The following ZNF717 variants were observed in gnomAD, a reference collection of about 807,000 sequenced individuals.
The protein encoded by ZNF717 is krueppel-like factor X17.
ZNF717 carries 9 observed loss-of-function variants against 13.8 expected under a neutral mutation model. That is an observed-to-expected ratio of 0.65 (90% CI 0.39 to 1.14). ZNF717 has a LOEUF of 1.14. Among genes scored for constraint, ZNF717 ranks in the 50% most tolerant of loss-of-function variants. The probability of loss-of-function intolerance (pLI) is 0.01; values close to 1 mark genes in which losing one functional copy is unlikely to be tolerated. For synonymous variants in ZNF717, 327 were observed against 364.1 expected (o/e 0.90, Z 1.16); for missense variants, 1,040 against 1,080.7 (o/e 0.96, Z 0.53).
intron 2 of ZNF717, among the ~76,000 whole-genome samples, chr3:75,776,005 A>C (rs573396728): frequency 6.6e-6 from 1 of 152,282 alleles, no homozygotes; most frequent in Admixed American, 6.5e-5. Context: ...TTAGACATAT[A>C]ATTTAAATAA....
chr3:75,758,387 A>G (rs1942681127), intron 2 of ZNF717, among the ~76,000 whole-genome samples: 1 of 152,194 alleles, frequency 6.6e-6, no homozygotes, highest in East Asian at 1.9e-4. Flanking sequence ...GACAGTGTAA[A>G]CACTGTTGAG....
At chr3:75,701,954 GGTT>G (rs1194406678) in intron 6 of ZNF717, among the ~76,000 whole-genome samples, 2 of 152,308 alleles carry the variant, frequency 1.3e-5, no homozygotes, top group African/African-American at 4.8e-5. Flanking sequence ...CCCCAGTTAA[GGTT>G]GTTTTTATAC....
chr3:75,721,305 G>A (rs1210684397), intron 4 of ZNF717, among the ~76,000 whole-genome samples: 2 of 152,120 alleles, frequency 1.3e-5, no homozygotes, highest in African/African-American at 4.8e-5. Flanking sequence ...TTTTTCAGAT[G>A]GAGTCTTGCT....
chr3:75,749,181 G>T (rs1405623290), intron 2 of ZNF717, among the ~76,000 whole-genome samples: 4 of 150,172 alleles, frequency 2.7e-5, no homozygotes, highest in African/African-American at 9.8e-5. Flanking sequence ...TAGGATTCCA[G>T]AACACCATGG....
At chr3:75,732,028 G>A, downstream of ZNF717, 1 of 702,424 alleles carries the variant, frequency 1.4e-6, no homozygotes, top group South Asian at 1.5e-5. Flanking sequence ...GGGAGATCCA[G>A]TTATGAGGGA....
chr3:75,772,088 C>T (rs1450242087), intron 2 of ZNF717, among the ~76,000 whole-genome samples: 4 of 152,248 alleles, frequency 2.6e-5, no homozygotes, highest in Non-Finnish European at 5.9e-5. Context: ...GGCCTGCAGG[C>T]ACTCCTCAGC....
chr3:75,700,127 C>T (rs1937657746), intron 6 of ZNF717, among the ~76,000 whole-genome samples: 1 of 152,306 alleles, frequency 6.6e-6, no homozygotes, highest in African/African-American at 2.4e-5. Flanking sequence ...GGGGCAGTGG[C>T]TCATGCCTGT....
At chr3:75,770,703 A>G (rs1005736022) in intron 2 of ZNF717, among the ~76,000 whole-genome samples, 2 of 152,254 alleles carry the variant, frequency 1.3e-5, no homozygotes, top group Non-Finnish European at 2.9e-5. Flanking sequence ...TACCATACAC[A>G]TAAGGGAAGA....
In ZNF717 at chr3:75,737,620, G is replaced by C; in HGVS notation, c.2003C>G (p.Thr668Ser). The change falls in exon 5 of 5, where the codon ACT becomes AGT. Residue 668 changes from threonine (T) to serine (S), a missense_variant. Coordinates refer to ENST00000652011, the MANE Select transcript of ZNF717 (RefSeq NM_001290208.3). ...ATCCATACGGTTTTTCCCCGTGTGA[G>C]TTCTCTGGTGTATGGTGAGGAATGA... ...RKSFLTIHQR[T>S]HTGKNRMDVM... 6.5e-7 allele frequency: 1 copy of C among 1,544,156 alleles called. No homozygotes were observed. The highest frequency in any genetic ancestry group is 1.4e-5 in the African/African-American group (1 of 72,944).
chr3:75,733,639 C>T (rs371913225), downstream of ZNF717, among the ~76,000 whole-genome samples: 23 of 150,416 alleles, frequency 1.5e-4, no homozygotes, highest in East Asian at 9.8e-4. Context: ...ATTAGCCAGG[C>T]GTAGGGGTGG....
rs1252176222 is a variant in ZNF717 at position 75,737,777 on chromosome 3, C to G, written c.1846G>C (p.Glu616Gln). ...CATTCATTACATTCATAGGGTCTTT[C>G]CCCTGTGTGAGTTCTCTTGTGTATC... ...LGIHKRTHTG[E>Q]RPYECNECGK... Residue 616 changes from glutamate to glutamine, a missense_variant, in exon 5 of 5, where the codon GAA becomes CAA. Glu to Gln is a conservative substitution (Grantham distance 29). Around this residue, in one of 3 missense-constraint regions of ZNF717, gnomAD observed 873 missense variants for 832.8 expected, o/e 1.05. Coordinates refer to ENST00000652011, the MANE Select transcript of ZNF717 (RefSeq NM_001290208.3). The G allele has an allele frequency of 1.9e-6, 3 of 1,551,054 alleles. No individual in the cohort carries two copies. The highest frequency in any genetic ancestry group is 1.2e-5 in the South Asian group (1 of 83,986).
chr3:75,721,841 T>A (rs1938173353), intron 4 of ZNF717, among the ~76,000 whole-genome samples: 5 of 58,550 alleles, frequency 8.5e-5, no homozygotes, highest in Admixed American at 2.1e-4. Flanking sequence ...GAATTTTAAA[T>A]AAGTTAAAAG....
downstream of ZNF717, among the ~76,000 whole-genome samples, chr3:75,731,241 G>C (rs75110649): frequency 6.6e-6 from 1 of 152,204 alleles, no homozygotes; most frequent in Non-Finnish European, 1.5e-5. Flanking sequence ...GCGAAGTGTG[G>C]TGGTGTGTGC....
chr3:75,708,356 G>A (rs1447913247), downstream of ZNF717, among the ~76,000 whole-genome samples: 4 of 152,300 alleles, frequency 2.6e-5, no homozygotes, highest in East Asian at 5.8e-4. Context: ...CAGGCAAACA[G>A]GGTCTGGAGT....
intron 2 of ZNF717, among the ~76,000 whole-genome samples, chr3:75,777,900 C>T (rs570448660): frequency 7.4e-5 from 11 of 148,140 alleles, no homozygotes; most frequent in Middle Eastern, 3.9e-3. Context: ...CGTGTTAAAA[C>T]GGAACCCAAA....
chr3:75,698,980 C>T (rs1222436237), intron 6 of ZNF717, among the ~76,000 whole-genome samples: 1 of 152,304 alleles, frequency 6.6e-6, no homozygotes, highest in Non-Finnish European at 1.5e-5. Context: ...GTAGAACCTT[C>T]CCAAGGCATT....
chr3:75,758,226 T>C (rs1213216257), intron 2 of ZNF717, among the ~76,000 whole-genome samples: 1 of 151,318 alleles, frequency 6.6e-6, no homozygotes, highest in African/African-American at 2.4e-5. Flanking sequence ...ACTGCAGATA[T>C]AGTGGAAATA....
rs1479271129 is a variant in ZNF717 at position 75,737,034 on chromosome 3, T to C, written c.2589A>G (p.Thr863=). ...QKSGLSIHQR[T]HTGEKPYECK... Reference sequence around the variant, plus strand: ...ATTCATAAGGTTTTTCTCCTGTGTGTGTTCTCTGATGTATACTGAGGCCTG... The same window carrying C: ...ATTCATAAGGTTTTTCTCCTGTGTGCGTTCTCTGATGTATACTGAGGCCTG... The change falls in exon 5 of 5, where the codon ACA becomes ACG. Residue 863 remains threonine (T), a synonymous_variant. Transcript: ENST00000652011. 1 of 1,603,242 alleles carries C rather than the reference T, an allele frequency of 6.2e-7. No homozygotes were observed. The highest frequency in any genetic ancestry group is 1.3e-5 in the African/African-American group (1 of 74,588).
At chr3:75,748,316 G>T (rs1247615588) in intron 2 of ZNF717, among the ~76,000 whole-genome samples, 2 of 152,048 alleles carry the variant, frequency 1.3e-5, no homozygotes, top group Non-Finnish European at 2.9e-5. Context: ...AGAAAAAGAG[G>T]GAATCCTCCC....
Sources: gnomAD v4.1 joint callset for allele counts (sites outside exome capture counted in the v4.1 genomes callset) on GRCh38, gnomAD v4.1.1 for gene constraint, gnomAD v4.1.1 regional missense constraint, MANE v1.5 for transcripts, NCBI Gene and HGNC (gene_info 2026-07-23, HGNC 2026-07-21) for gene names.